Variants in SEMA3E observed in about 807,000 individuals in gnomAD.
SEMA3E encodes the protein semaphorin 3E.
Under a neutral mutation model 93.6 loss-of-function variants are expected in SEMA3E, and 49 were observed. The observed-to-expected ratio is 0.52, with a 90% CI of 0.42 to 0.66. The LOEUF (loss-of-function observed/expected upper bound fraction) is 0.66. Among genes scored for constraint, SEMA3E ranks in the 30% least tolerant of loss-of-function variants. SEMA3E has a pLI of 0.00. For missense variants in SEMA3E, 906 were observed against 964.8 expected, an observed-to-expected ratio of 0.94 and a Z score of 0.81; for synonymous variants, 363 against 330.7, an observed-to-expected ratio of 1.10 and a Z score of -1.06.
At chr7:83,455,519 G>A (rs1165877341) in intron 4 of SEMA3E, among the ~76,000 whole-genome samples, 1 of 152,180 alleles carries the variant, frequency 6.6e-6, no homozygotes, top group Non-Finnish European at 1.5e-5. Flanking sequence ...AGAATACTGT[G>A]GTGGGTAGAA....
At chr7:83,497,257 C>T (rs1287539326) in intron 1 of SEMA3E, among the ~76,000 whole-genome samples, 3 of 152,080 alleles carry the variant, frequency 2.0e-5, no homozygotes, top group African/African-American at 7.2e-5. Context: ...GCTATAGTTC[C>T]TTGTGTACGA....
chr7:83,523,707 A>G (rs909541463), intron 1 of SEMA3E, among the ~76,000 whole-genome samples: 37 of 152,212 alleles, frequency 2.4e-4, no homozygotes, highest in Middle Eastern at 6.8e-3. Context: ...AACAATAAAT[A>G]TTGTTAAGGC....
At chr7:83,547,806 A>T (rs1182256840) in intron 1 of SEMA3E, among the ~76,000 whole-genome samples, 3 of 152,022 alleles carry the variant, frequency 2.0e-5, no homozygotes, top group African/African-American at 7.2e-5. Context: ...CTGCCTTTTA[A>T]CTGCCAGGTG....
intron 14 of SEMA3E, among the ~76,000 whole-genome samples, chr7:83,388,844 T>A (rs1787937451): frequency 6.6e-6 from 1 of 151,264 alleles, no homozygotes. Flanking sequence ...GTCCTTACTG[T>A]CTCTAAATAA....
At chr7:83,390,959 G>A (rs1017752283) in intron 14 of SEMA3E, among the ~76,000 whole-genome samples, 1 of 152,160 alleles carries the variant, frequency 6.6e-6, no homozygotes, top group Admixed American at 6.6e-5. Context: ...ACTACTGCAT[G>A]CCTAACACAA....
chr7:83,439,189 A>C (rs1238763809), intron 4 of SEMA3E, among the ~76,000 whole-genome samples: 5 of 152,192 alleles, frequency 3.3e-5, no homozygotes, highest in Admixed American at 3.3e-4. Flanking sequence ...CAATCCTATG[A>C]GTGTTCCTAC....
In SEMA3E at chr7:83,469,272, C is replaced by A; in HGVS notation, c.307G>T (p.Glu103Ter). ...IHWPSTALKMEECIMKGKDAG... is the reference protein window; with the variant it reads ...IHWPSTALKM ...TCTTTTCCCTTCATTATGCATTCTT[C>A]CATTTTTAGAGCTGTACTCGGCCAG... Residue 103 changes from glutamate to a stop codon, truncating the protein, a stop_gained, in exon 3 of 17, where the codon GAA (glutamate) becomes TAA (stop). Transcript: ENST00000643230. LOFTEE classifies it high-confidence loss of function. The A allele has an allele frequency of 6.2e-7, 1 of 1,610,966 alleles. No individual in the cohort carries two copies.
At chr7:83,590,830 T>C (rs1437265869) in intron 1 of SEMA3E, among the ~76,000 whole-genome samples, 1 of 152,114 alleles carries the variant, frequency 6.6e-6, no homozygotes, top group Non-Finnish European at 1.5e-5. Context: ...ATCGCAAAAC[T>C]GCTGCTTTAC....
At chr7:83,503,301 C>G (rs1307306703) in intron 1 of SEMA3E, among the ~76,000 whole-genome samples, 1 of 152,034 alleles carries the variant, frequency 6.6e-6, no homozygotes. Context: ...CAGATTGCAA[C>G]AGAAAATTTG....
chr7:83,546,379 G>T (rs1489905347), intron 1 of SEMA3E, among the ~76,000 whole-genome samples: 1 of 146,530 alleles, frequency 6.8e-6, no homozygotes, highest in African/African-American at 2.5e-5. Flanking sequence ...GAAAGGAGGG[G>T]AATATAGTGA....
intron 4 of SEMA3E, among the ~76,000 whole-genome samples, chr7:83,447,352 T>C (rs1017617291): frequency 4.6e-5 from 7 of 151,990 alleles, no homozygotes; most frequent in African/African-American, 1.7e-4. Context: ...CTGGCCAATA[T>C]GGTGAAACCC....
At chr7:83,415,909 C>G (rs778123414) in intron 5 of SEMA3E, among the ~76,000 whole-genome samples, 11 of 152,072 alleles carry the variant, frequency 7.2e-5, no homozygotes, top group Non-Finnish European at 1.5e-4. Flanking sequence ...CTTAACCCAT[C>G]AGCAGAGAAC....
intron 16 of SEMA3E, among the ~76,000 whole-genome samples, chr7:83,376,092 G>A (rs923659746): frequency 6.6e-6 from 1 of 152,158 alleles, no homozygotes; most frequent in Admixed American, 6.6e-5. Context: ...GAAAAAGAAT[G>A]CCAAAACTAC....
chr7:83,458,865 G>T (rs1007807434), intron 4 of SEMA3E, among the ~76,000 whole-genome samples: 5 of 145,292 alleles, frequency 3.4e-5, no homozygotes, highest in Non-Finnish European at 7.5e-5. Context: ...TTATATATAT[G>T]ATTATATGTT....
intron 1 of SEMA3E, among the ~76,000 whole-genome samples, chr7:83,529,218 G>A (rs1791232153): frequency 6.6e-6 from 1 of 152,092 alleles, no homozygotes; most frequent in Non-Finnish European, 1.5e-5. Context: ...CTACCACGGA[G>A]CACTCTAACT....
intron 1 of SEMA3E, among the ~76,000 whole-genome samples, chr7:83,555,699 A>G (rs1055109647): frequency 3.9e-5 from 6 of 152,192 alleles, no homozygotes; most frequent in African/African-American, 7.2e-5. Context: ...CTTTCTAACA[A>G]TTGGATCTGT....
intron 4 of SEMA3E, among the ~76,000 whole-genome samples, chr7:83,454,815 G>T (rs906966553): frequency 6.6e-6 from 1 of 152,124 alleles, no homozygotes; most frequent in African/African-American, 2.4e-5. Flanking sequence ...ACTTTAAAAG[G>T]CAAGAACATT....
intron 1 of SEMA3E, among the ~76,000 whole-genome samples, chr7:83,616,978 G>T (rs952008872): frequency 6.6e-6 from 1 of 151,982 alleles, no homozygotes; most frequent in Non-Finnish European, 1.5e-5. Context: ...ACCCACCTTG[G>T]CCTCCCAAAG....
chr7:83,447,757 G>A (rs1361987708), intron 4 of SEMA3E, among the ~76,000 whole-genome samples: 3 of 152,220 alleles, frequency 2.0e-5, no homozygotes, highest in African/African-American at 7.2e-5. Context: ...CGATAGGCCA[G>A]TAAACAAAGG....
Sources: allele counts gnomAD v4.1 joint callset (sites outside exome capture counted in the v4.1 genomes callset), GRCh38; gene constraint gnomAD v4.1.1; transcripts MANE v1.5; gene names NCBI Gene and HGNC (gene_info 2026-07-23, HGNC 2026-07-21).